Variants in SLCO3A1 observed in about 807,000 individuals in gnomAD.
SLCO3A1 encodes the protein solute carrier organic anion transporter family member 3A1, also known as PGE1 transporter.
In SLCO3A1, 27 loss-of-function variants were observed where a neutral mutation model predicts 63.1. The observed-to-expected ratio is 0.43, with a 90% CI of 0.32 to 0.59. The LOEUF (loss-of-function observed/expected upper bound fraction) is 0.59. SLCO3A1 is among the 20% of genes least tolerant of loss of function. The pLI is 0.09. For missense variants in SLCO3A1, 773 were observed against 945.8 expected (o/e 0.82, Z 2.40); for synonymous variants, 473 against 409.9 (o/e 1.15, Z -1.86).
chr15:91,992,630 A>G (rs1162722007), intron 2 of SLCO3A1, among the ~76,000 whole-genome samples: 1 of 152,216 alleles, frequency 6.6e-6, no homozygotes, highest in Non-Finnish European at 1.5e-5. Flanking sequence ...CTCTTTGCCC[A>G]GTAACAGTCA....
At chr15:92,065,132 G>T (rs1379167546) in intron 2 of SLCO3A1, among the ~76,000 whole-genome samples, 1 of 152,138 alleles carries the variant, frequency 6.6e-6, no homozygotes. Flanking sequence ...ACCCAAGCTG[G>T]AGTTCAGTGG....
chr15:92,025,676 A>T (rs912346259), intron 2 of SLCO3A1, among the ~76,000 whole-genome samples: 2 of 152,134 alleles, frequency 1.3e-5, no homozygotes, highest in African/African-American at 4.8e-5. Context: ...TTCCTTCCCC[A>T]ACCATTCCCG....
chr15:91,905,383 T>A (rs1241644506), intron 1 of SLCO3A1, among the ~76,000 whole-genome samples: 1 of 152,242 alleles, frequency 6.6e-6, no homozygotes, highest in Non-Finnish European at 1.5e-5. Flanking sequence ...GAACATAGTA[T>A]AGCATTGGAC....
intron 2 of SLCO3A1, among the ~76,000 whole-genome samples, chr15:92,073,037 C>G (rs760427732): frequency 2.6e-5 from 4 of 152,096 alleles, no homozygotes; most frequent in Non-Finnish European, 4.4e-5. Context: ...ACATTCAGAT[C>G]CCACCCCTTT....
In SLCO3A1 at chr15:91,928,696, C is replaced by T. The variant is rs183314104; in HGVS notation, c.646+12238C>T. On this transcript the variant is annotated intron_variant, in intron 2 of 9. Transcript: ENST00000318445. ...GGTGAGGCGTTTCTAGGCCAGGAGA[C>T]GTCTGATGGGTCTGGGGTATTCAGG... Among the ~76,000 whole-genome samples, 8 of 152,296 alleles carry T rather than the reference C, an allele frequency of 5.3e-5. No homozygotes were observed. The East Asian group carries it at 7.7e-4, about 15-fold the overall frequency.
At position 91,954,109 on chromosome 15, in the gene SLCO3A1, C is replaced by G. The variant is rs1013616274; in HGVS notation, c.646+37651C>G. Among the ~76,000 whole-genome samples, 1 of 152,218 alleles carries G rather than the reference C, an allele frequency of 6.6e-6. No homozygotes were observed. The highest frequency in any genetic ancestry group is 2.4e-5 in the African/African-American group (1 of 41,456). On this transcript the variant is annotated intron_variant, in intron 2 of 9. Transcript: ENST00000318445. The surrounding 1 kb of genome is among the most constrained non-coding windows in gnomAD (Gnocchi z 4.7). Reference sequence around the variant, plus strand: ...CACAGAGCATGTAGAAACCCCCACTCATGAGGGAAAGATTGAGAAAGGCAC... The same window carrying G: ...CACAGAGCATGTAGAAACCCCCACTGATGAGGGAAAGATTGAGAAAGGCAC...
At chr15:91,870,223 ATTC>A (rs915570143) in intron 1 of SLCO3A1, among the ~76,000 whole-genome samples, 1 of 152,220 alleles carries the variant, frequency 6.6e-6, no homozygotes, top group African/African-American at 2.4e-5. Flanking sequence ...AGTTCTTTCT[ATTC>A]TTATACATGG....
chr15:91,934,798 G>A (rs867670807), intron 2 of SLCO3A1, among the ~76,000 whole-genome samples: 6 of 152,144 alleles, frequency 3.9e-5, no homozygotes, highest in South Asian at 2.1e-4. Flanking sequence ...ACTTCTTTTC[G>A]ATGTTAAGCC....
intron 2 of SLCO3A1, among the ~76,000 whole-genome samples, chr15:92,061,903 T>G (rs973993496): frequency 3.3e-5 from 5 of 152,232 alleles, no homozygotes; most frequent in African/African-American, 9.6e-5. Flanking sequence ...GTCAAGGCTC[T>G]GGGTGATACA....
intron 3 of SLCO3A1, among the ~76,000 whole-genome samples, chr15:92,096,217 C>A (rs879733816): frequency 6.6e-6 from 1 of 152,148 alleles, no homozygotes; most frequent in African/African-American, 2.4e-5. Flanking sequence ...CAGGAGGGGA[C>A]TACCTCACCG....
intron 2 of SLCO3A1, among the ~76,000 whole-genome samples, chr15:92,058,544 A>C (rs940189278): frequency 6.6e-6 from 1 of 152,108 alleles, no homozygotes; most frequent in Non-Finnish European, 1.5e-5. Context: ...CCCATGGAAG[A>C]GAAGAACAGG....
chr15:92,092,385 G>A (rs1596093157), intron 2 of SLCO3A1, among the ~76,000 whole-genome samples: 6 of 152,000 alleles, frequency 3.9e-5, no homozygotes, highest in South Asian at 4.2e-4. Context: ...GGGAGGTGCC[G>A]GGAGTCACAG....
chr15:91,976,111 G>A (rs556146983), intron 2 of SLCO3A1, among the ~76,000 whole-genome samples: 3 of 152,300 alleles, frequency 2.0e-5, no homozygotes, highest in East Asian at 1.9e-4. Context: ...ATTTCTTGAA[G>A]TGTGGCCAAC....
chr15:92,156,855 G>A (rs532051631), intron 9 of SLCO3A1, among the ~76,000 whole-genome samples: 4 of 152,264 alleles, frequency 2.6e-5, no homozygotes, highest in African/African-American at 9.6e-5. Context: ...TCCCGTAAAG[G>A]AATTTGAACT....
chr15:92,159,548 G>C lies in SLCO3A1; in HGVS notation c.1754-3208G>C, dbSNP rs916591594. On this transcript the variant is annotated intron_variant, in intron 9 of 9. Coordinates refer to ENST00000318445, the MANE Select transcript of SLCO3A1 (RefSeq NM_013272.4). ...ACTCTGAAATATTGAACAGAGCATA[G>C]CATGAAAAACTTTGGTAGGTTTTTT... 2.1e-5 allele frequency among the ~76,000 whole-genome samples: 3 copies of C among 145,872 alleles called. No individual in the cohort carries two copies. The South Asian group carries it at 6.4e-4, about 31-fold the overall frequency.
intron 9 of SLCO3A1, among the ~76,000 whole-genome samples, chr15:92,159,819 T>C (rs979389704): frequency 6.6e-6 from 1 of 152,160 alleles, no homozygotes; most frequent in Non-Finnish European, 1.5e-5. Flanking sequence ...CCAAGTATTA[T>C]AAGAATTCTC....
chr15:92,037,166 C>A (rs992317208), intron 2 of SLCO3A1, among the ~76,000 whole-genome samples: 2 of 152,148 alleles, frequency 1.3e-5, no homozygotes, highest in African/African-American at 2.4e-5. Context: ...GTTTCTCTTG[C>A]TTACAACCAT....
At chr15:92,016,069 A>G (rs1225035752) in intron 2 of SLCO3A1, among the ~76,000 whole-genome samples, 3 of 152,152 alleles carry the variant, frequency 2.0e-5, no homozygotes, top group Non-Finnish European at 4.4e-5. Context: ...GCTAGACATT[A>G]TAGGGTTTTA....
chr15:91,938,639 T>G (rs1168486224), intron 2 of SLCO3A1, among the ~76,000 whole-genome samples: 2 of 152,218 alleles, frequency 1.3e-5, no homozygotes, highest in Non-Finnish European at 2.9e-5. Flanking sequence ...GTAGTACTGT[T>G]GTTCACATTT....
Sources: gnomAD v4.1 joint callset for allele counts (sites outside exome capture counted in the v4.1 genomes callset) on GRCh38, gnomAD v4.1.1 for gene constraint, Gnocchi (gnomAD v3.1) non-coding constraint, MANE v1.5 for transcripts, NCBI Gene and HGNC (gene_info 2026-07-23, HGNC 2026-07-21) for gene names.